HTR1F: variants seen among roughly 807,000 people sequenced by gnomAD.
HTR1F encodes the protein 5-hydroxytryptamine (serotonin) receptor 1F, G protein-coupled.
Under a neutral mutation model 24.0 loss-of-function variants are expected in HTR1F, and 17 were observed. That is an observed-to-expected ratio of 0.71 (90% confidence interval 0.48 to 1.06). HTR1F has a LOEUF of 1.06. Ranked by LOEUF, HTR1F falls within the 50% of genes least tolerant of loss-of-function variation. The pLI is 0.00. For missense variants in HTR1F, 391 were observed against 427.8 expected (o/e 0.91, Z 0.76); for synonymous variants, 186 against 156.8 (o/e 1.19, Z -1.39).
At chr3:87,920,679 C>A (rs142293352) in intron 2 of HTR1F, among the ~76,000 whole-genome samples, 91 of 151,950 alleles carry the variant, frequency 6.0e-4, no homozygotes, top group Middle Eastern at 6.8e-3. Flanking sequence ...AATGATTGCA[C>A]ACATGGACAC....
intron 2 of HTR1F, among the ~76,000 whole-genome samples, chr3:87,849,478 C>A (rs185171224): frequency 4.0e-4 from 60 of 151,886 alleles, no homozygotes; most frequent in Admixed American, 2.6e-3. Flanking sequence ...TAAAGACTTA[C>A]ATGTTAGACC....
intron 2 of HTR1F, among the ~76,000 whole-genome samples, chr3:87,921,923 T>C (rs1433394286): frequency 6.6e-6 from 1 of 152,036 alleles, no homozygotes; most frequent in African/African-American, 2.4e-5. Context: ...ATTTATCCAT[T>C]CATCTTTTGA....
At chr3:87,882,123 T>C (rs1705818350) in intron 2 of HTR1F, among the ~76,000 whole-genome samples, 1 of 152,220 alleles carries the variant, frequency 6.6e-6, no homozygotes, top group Non-Finnish European at 1.5e-5. Context: ...TCACCATCAC[T>C]GTCCATCAGA....
chr3:87,914,913 G>A (rs528890155), intron 2 of HTR1F, among the ~76,000 whole-genome samples: 3 of 152,162 alleles, frequency 2.0e-5, no homozygotes, highest in South Asian at 2.1e-4. Flanking sequence ...ATTAAACCAC[G>A]TAAGCTAAGA....
At chr3:87,853,388 C>A (rs1705130929) in intron 2 of HTR1F, among the ~76,000 whole-genome samples, 1 of 152,092 alleles carries the variant, frequency 6.6e-6, no homozygotes, top group Non-Finnish European at 1.5e-5. Context: ...CATGTTCCTG[C>A]AAAGGACATG....
At chr3:87,922,773 A>G (rs562087888) in intron 2 of HTR1F, among the ~76,000 whole-genome samples, 2 of 151,184 alleles carry the variant, frequency 1.3e-5, no homozygotes, top group South Asian at 4.2e-4. Flanking sequence ...ATTTATTAAG[A>G]CTGTCCCTTC....
At chr3:87,855,037 T>C (rs961844488) in intron 2 of HTR1F, among the ~76,000 whole-genome samples, 1 of 152,074 alleles carries the variant, frequency 6.6e-6, no homozygotes, top group Non-Finnish European at 1.5e-5. Flanking sequence ...CATTGTTATC[T>C]TCCCCCCACT....
In HTR1F at chr3:87,884,278, C is replaced by T. The variant is rs151317693; in HGVS notation, c.-43+62154C>T. Among the ~76,000 whole-genome samples, 44 of 152,302 alleles carry T rather than the reference C, an allele frequency of 2.9e-4. 2 individuals are homozygous for T. The highest frequency in any genetic ancestry group is 6.7e-4 in the African/African-American group (28 of 41,568). Reference sequence around the variant, plus strand: ...AGTGAAGGAGAAATAAAATCCTTTACGGACAAGCAAATGCTGAGAAATTTT... The same window carrying T: ...AGTGAAGGAGAAATAAAATCCTTTATGGACAAGCAAATGCTGAGAAATTTT... On this transcript the variant is annotated intron_variant, in intron 2 of 2. Coordinates refer to ENST00000319595, the MANE Select transcript of HTR1F (RefSeq NM_001322209.2).
intron 1 of HTR1F, among the ~76,000 whole-genome samples, chr3:87,806,196 G>A (rs1033934457): frequency 2.0e-5 from 3 of 151,984 alleles, no homozygotes; most frequent in Admixed American, 1.3e-4. Flanking sequence ...TTGCTATTAT[G>A]AATAATGCTG....
At chr3:87,910,469 A>G (rs1197465569) in intron 2 of HTR1F, 1 of 151,644 alleles carries the variant, frequency 6.6e-6, no homozygotes, top group African/African-American at 2.4e-5. Context: ...CAGATTCCTA[A>G]AGCAAGTTCT....
At chr3:87,822,270 C>G (rs1271345093) in intron 2 of HTR1F, among the ~76,000 whole-genome samples, 146 bp downstream of exon 2, 2 of 152,100 alleles carry the variant, frequency 1.3e-5, no homozygotes, top group African/African-American at 2.4e-5. Context: ...AAGGCCAGAG[C>G]CACTGATCAT....
At chr3:87,826,109 C>T (rs1385609730) in intron 2 of HTR1F, among the ~76,000 whole-genome samples, 2 of 152,210 alleles carry the variant, frequency 1.3e-5, no homozygotes, top group Admixed American at 6.5e-5. Context: ...CTTCTAGGCA[C>T]CATTGATGGT....
At chr3:87,934,051 G>T (rs1013279212) in intron 2 of HTR1F, among the ~76,000 whole-genome samples, 14 of 152,062 alleles carry the variant, frequency 9.2e-5, no homozygotes, top group African/African-American at 3.4e-4. Context: ...ATAATATCTG[G>T]TTCGTCTTTG....
At chr3:87,934,600 A>T (rs372325518) in intron 2 of HTR1F, among the ~76,000 whole-genome samples, 8 of 152,186 alleles carry the variant, frequency 5.3e-5, no homozygotes, top group Non-Finnish European at 7.3e-5. Context: ...CTTTACAAGA[A>T]GTCACTCCTT....
Position 87,923,051 on chromosome 3 carries a change from G to A in HTR1F, c.-42-67657G>A, listed in dbSNP as rs534562595. On this transcript the variant is annotated intron_variant, in intron 2 of 2. Transcript: ENST00000319595. ...CCCATCCCCAGTGCATGTTCTTGGA[G>A]TATTTATCAGTCTGTTGGCTGTAAA... Among the ~76,000 whole-genome samples, 13 of 151,780 alleles carry A rather than the reference G, an allele frequency of 8.6e-5. No individual in the cohort carries two copies. In the South Asian group the frequency reaches 1.2e-3, roughly 15 times the overall value.
At position 87,922,785 on chromosome 3, in the gene HTR1F, C is replaced by T. The variant is rs566286512; in HGVS notation, c.-42-67923C>T. Among the ~76,000 whole-genome samples, 31 of 151,102 alleles carry T rather than the reference C, an allele frequency of 2.1e-4. No homozygotes were observed. In the South Asian group the frequency reaches 6.5e-3, roughly 32 times the overall value. ...AACATTTATTAAGACTGTCCCTTCC[C>T]CAGTGCATGTTCTTGGAGTATTTAT... On this transcript the variant is annotated intron_variant, in intron 2 of 2. Coordinates refer to ENST00000319595, the MANE Select transcript of HTR1F (RefSeq NM_001322209.2).
intron 2 of HTR1F, among the ~76,000 whole-genome samples, chr3:87,830,220 G>A (rs1704547980): frequency 6.6e-6 from 1 of 152,068 alleles, no homozygotes; most frequent in Non-Finnish European, 1.5e-5. Context: ...GAAATTGTGT[G>A]CAAAAATATA....
intron 2 of HTR1F, among the ~76,000 whole-genome samples, chr3:87,848,208 C>T (rs780818820): frequency 3.9e-5 from 6 of 151,944 alleles, no homozygotes; most frequent in Non-Finnish European, 7.4e-5. Context: ...AATAGCCATT[C>T]GAACTGGGGT....
chr3:87,881,375 C>T (rs748718503), intron 2 of HTR1F, among the ~76,000 whole-genome samples: 8 of 152,258 alleles, frequency 5.3e-5, no homozygotes, highest in East Asian at 1.9e-4. Context: ...GCCTGGCTGG[C>T]GGAGGGAGTC....
Sources: gnomAD v4.1 joint callset for allele counts (sites outside exome capture counted in the v4.1 genomes callset) on GRCh38, gnomAD v4.1.1 for gene constraint, MANE v1.5 for transcripts, NCBI Gene and HGNC (gene_info 2026-07-23, HGNC 2026-07-21) for gene names.